Variants in DMXL2 observed in about 807,000 individuals in gnomAD.
DMXL2 encodes the protein dmX-like protein 2.
Under a neutral mutation model 331.1 loss-of-function variants are expected in DMXL2, and 103 were observed. The ratio of observed to expected loss-of-function variants is 0.31; its 90% CI spans 0.27 to 0.37. DMXL2 has a LOEUF of 0.37. Ranked by LOEUF, DMXL2 falls within the 10% of genes least tolerant of loss-of-function variation. The pLI is 1.00. For synonymous variants in DMXL2, 1,281 were observed against 1,252.1 expected (o/e 1.02, Z -0.49); for missense variants, 3,171 against 3,642.9 (o/e 0.87, Z 3.33).
rs984733301 is a variant in DMXL2, at chr15:51,499,951, G to A, written c.3273C>T (p.His1091=). 1 of 1,613,996 alleles carries A rather than the reference G, an allele frequency of 6.2e-7. No homozygotes were observed. The change falls in exon 18 of 44, where the codon CAC becomes CAT. Residue 1091 remains histidine, a synonymous_variant. Transcript: ENST00000560891. ...RLAVAYKQPI[H]HNGFVSKEFS... is the part of the protein sequence containing the mutation. ...ATTCTTTAGAAACAAAACCATTATG[G>A]TGGATAGGCTGCTTATAAGCCACTG...
At chr15:51,538,673 C>T (rs1249729703) in intron 9 of DMXL2, among the ~76,000 whole-genome samples, 3 of 152,026 alleles carry the variant, frequency 2.0e-5, no homozygotes, top group Non-Finnish European at 2.9e-5. Flanking sequence ...ACAAAATACA[C>T]GAATGCATCA....
intron 1 of DMXL2, among the ~76,000 whole-genome samples, chr15:51,582,309 A>T: frequency 6.6e-6 from 1 of 152,082 alleles, no homozygotes; most frequent in East Asian, 1.9e-4. Context: ...AGCCCTCTTT[A>T]CTGTTTTTTC....
chr15:51,489,945 T>C (rs1284958577), intron 20 of DMXL2, among the ~76,000 whole-genome samples: 2 of 152,226 alleles, frequency 1.3e-5, no homozygotes, highest in Non-Finnish European at 2.9e-5. Context: ...ACAAGACACA[T>C]GTTGACAAGA....
chr15:51,608,837 T>C (rs1453722763), intron 1 of DMXL2, among the ~76,000 whole-genome samples: 1 of 152,166 alleles, frequency 6.6e-6, no homozygotes, highest in African/African-American at 2.4e-5. Context: ...GAAATTCTAA[T>C]GGAGATTCTC....
chr15:51,587,631 G>A (rs1477018448), intron 1 of DMXL2, among the ~76,000 whole-genome samples: 10 of 152,152 alleles, frequency 6.6e-5, no homozygotes, highest in African/African-American at 9.7e-5. Context: ...GTAAACATAC[G>A]TGTGCATGTG....
intron 1 of DMXL2, among the ~76,000 whole-genome samples, chr15:51,615,229 A>G (rs771060080): frequency 3.9e-5 from 6 of 152,220 alleles, no homozygotes; most frequent in Non-Finnish European, 7.3e-5. Context: ...GAGTATACAA[A>G]TCTGGAATCA....
At chr15:51,527,202 A>G (rs2047722815) in intron 13 of DMXL2, among the ~76,000 whole-genome samples, 1 of 152,164 alleles carries the variant, frequency 6.6e-6, no homozygotes, top group Non-Finnish European at 1.5e-5. Flanking sequence ...GCAGAATTTC[A>G]GTGGAAACCT....
At chr15:51,515,888 T>C (rs78777705) in intron 14 of DMXL2, among the ~76,000 whole-genome samples, 2,279 of 152,254 alleles carry the variant, frequency 0.015, 37 homozygotes, top group East Asian at 0.065. Flanking sequence ...TACATTCCTA[T>C]TGAGTAGAAA....
intron 16 of DMXL2, among the ~76,000 whole-genome samples, chr15:51,506,219 C>T (rs559975251): frequency 2.0e-5 from 3 of 152,100 alleles, no homozygotes; most frequent in South Asian, 2.1e-4. Context: ...CATGCCACCA[C>T]ACTTAATTAA....
rs756849363 is a variant in DMXL2, at chr15:51,537,589, G to A, written c.1516C>T (p.Pro506Ser). 6.2e-7 allele frequency: 1 copy of A among 1,613,774 alleles called. No homozygotes were observed. The highest frequency in any genetic ancestry group is 1.1e-5 in the South Asian group (1 of 91,070). ...ETLLTEWNKN[P>S]DMLFTIHPVD... Reference sequence around the variant, plus strand: ...GGGTGTATTGTAAAAAGCATATCAGGATTCTTATTCCATTCAGTTAGCAGC... The same window carrying A: ...GGGTGTATTGTAAAAAGCATATCAGAATTCTTATTCCATTCAGTTAGCAGC... The change falls in exon 11 of 44, where the codon CCT (proline) becomes TCT (serine). Residue 506 changes from proline to serine, a missense_variant. Pro to Ser is a moderately conservative substitution (Grantham distance 74). Transcript: ENST00000560891.
rs369810210 is a variant in DMXL2 at position 51,474,531 on chromosome 15, G to A, written c.7026C>T (p.Asn2342=). The change falls in exon 28 of 44, where the codon AAC becomes AAT. Residue 2342 remains asparagine (N), a synonymous_variant. Transcript: ENST00000560891. ...CAACAACAGCTTCACATAGCAAAAT[G>A]TTCAGTTTTGGCTGGTCTTCATCTT... The part of the protein sequence containing the change: ...SAQDEDQPKL[N]ILLCEAVVAV... 7.4e-6 allele frequency: 12 copies of A among 1,613,924 alleles called. No individual in the cohort carries two copies. The highest frequency in any genetic ancestry group is 1.0e-5 in the Non-Finnish European group (12 of 1,179,976).
intron 43 of DMXL2, 49 bp downstream of exon 43, chr15:51,450,078 TTC>T: frequency 6.5e-7 from 1 of 1,528,376 alleles, no homozygotes; most frequent in South Asian, 1.2e-5. Context: ...TTTTTGTTTT[TTC>T]TCTTTCCAAT....
At chr15:51,617,268 AAAGGAAAG>A (rs1193796170) in intron 1 of DMXL2, among the ~76,000 whole-genome samples, 1 of 152,222 alleles carries the variant, frequency 6.6e-6, no homozygotes, top group Non-Finnish European at 1.5e-5. Flanking sequence ...TTGCACGGGA[AAAGGAAAG>A]CTGCGAAAGG....
At chr15:51,530,629 C>T (rs1481937194) in intron 13 of DMXL2, among the ~76,000 whole-genome samples, 1 of 151,804 alleles carries the variant, frequency 6.6e-6, no homozygotes, top group Non-Finnish European at 1.5e-5. Flanking sequence ...GTGGCACATG[C>T]CTGTAGTCCC....
At chr15:51,620,629 A>T (rs2054566237) in intron 1 of DMXL2, among the ~76,000 whole-genome samples, 1 of 152,256 alleles carries the variant, frequency 6.6e-6, no homozygotes, top group South Asian at 2.1e-4. Flanking sequence ...GAGGATGAAG[A>T]AGTTATCGGA....
intron 1 of DMXL2, among the ~76,000 whole-genome samples, chr15:51,607,889 C>T (rs1200090599): frequency 6.6e-6 from 1 of 152,118 alleles, no homozygotes; most frequent in South Asian, 2.1e-4. Context: ...AGCAAAACGG[C>T]CTTTCAAGAA....
chr15:51,591,397 C>A (rs558982406), intron 1 of DMXL2, among the ~76,000 whole-genome samples: 1 of 152,318 alleles, frequency 6.6e-6, no homozygotes, highest in South Asian at 2.1e-4. Context: ...GGGCGCCCAC[C>A]ATTGCCCAGC....
chr15:51,531,930 TA>T (rs2140844999), intron 13 of DMXL2, among the ~76,000 whole-genome samples: 1 of 152,298 alleles, frequency 6.6e-6, no homozygotes, highest in South Asian at 2.1e-4. Context: ...GGTGGGAATG[TA>T]AATTAGTACA....
At chr15:51,537,844 A>C in intron 10 of DMXL2, 85 bp from the exon 11 acceptor site, 2 of 1,381,618 alleles carry the variant, frequency 1.4e-6, no homozygotes, top group Non-Finnish European at 1.9e-6. Flanking sequence ...TACTATCTTT[A>C]AAAACTAAAT....
Sources: gnomAD v4.1 joint callset for allele counts (sites outside exome capture counted in the v4.1 genomes callset) on GRCh38, gnomAD v4.1.1 for gene constraint, MANE v1.5 for transcripts, NCBI Gene and HGNC (gene_info 2026-07-23, HGNC 2026-07-21) for gene names.